Variants in COL25A1 observed in about 807,000 individuals in gnomAD.
The protein encoded by COL25A1 is collagen type XXV alpha 1 chain.
COL25A1 carries 103 observed loss-of-function variants against 128.4 expected under a neutral mutation model. The ratio of observed to expected loss-of-function variants is 0.80; its 90% CI spans 0.68 to 0.94. The LOEUF is 0.94. Ranked by LOEUF, COL25A1 falls within the 40% of genes least tolerant of loss-of-function variation. COL25A1 has a pLI of 0.00. For synonymous variants in COL25A1, 279 were observed against 277.2 expected (o/e 1.01, Z -0.06); for missense variants, 745 against 840.0 (o/e 0.89, Z 1.40).
intron 18 of COL25A1, among the ~76,000 whole-genome samples, chr4:108,886,488 G>GGTTTTTTTTTTTTTTT (rs1553960509): frequency 2.0e-5 from 1 of 49,426 alleles, no homozygotes; most frequent in African/African-American, 6.5e-5. Flanking sequence ...GTGTGTGTGT[G>GGTTTTTTTTTTTTTTT]TGTGTTTAGC....
At chr4:108,941,740 A>G (rs1174709138) in intron 8 of COL25A1, among the ~76,000 whole-genome samples, 2 of 152,162 alleles carry the variant, frequency 1.3e-5, no homozygotes, top group African/African-American at 4.8e-5. Flanking sequence ...CAGGTAAGCA[A>G]GTGCACCCCT....
chr4:109,124,714 C>G (rs543267689), intron 3 of COL25A1, among the ~76,000 whole-genome samples: 2 of 151,928 alleles, frequency 1.3e-5, no homozygotes, highest in East Asian at 3.9e-4. Context: ...TGTCCTAATT[C>G]CTAGAAAGAT....
At chr4:109,094,626 T>C (rs1015717821) in intron 3 of COL25A1, among the ~76,000 whole-genome samples, 1 of 152,210 alleles carries the variant, frequency 6.6e-6, no homozygotes, top group Non-Finnish European at 1.5e-5. Context: ...AAGGTTCTCA[T>C]GTTTGGTAGC....
intron 6 of COL25A1, among the ~76,000 whole-genome samples, chr4:108,992,832 TG>T (rs1212701284): frequency 4.6e-5 from 2 of 43,074 alleles, no homozygotes; most frequent in African/African-American, 1.0e-4. Flanking sequence ...TTGTTTGTTT[TG>T]TTTTTTTTTT....
At chr4:108,885,972 G>C in intron 18 of COL25A1, among the ~76,000 whole-genome samples, 1 of 152,144 alleles carries the variant, frequency 6.6e-6, no homozygotes, top group Non-Finnish European at 1.5e-5. Context: ...TGCATACATA[G>C]ACACACACCC....
chr4:108,838,252 C>T, intron 31 of COL25A1: 1 of 1,019,164 alleles, frequency 9.8e-7, no homozygotes, highest in Admixed American at 2.1e-5. Flanking sequence ...GAGCCAGTCT[C>T]TGAAATAGTT....
At chr4:109,054,648 T>C (rs948089503) in intron 3 of COL25A1, among the ~76,000 whole-genome samples, 1 of 152,022 alleles carries the variant, frequency 6.6e-6, no homozygotes, top group Non-Finnish European at 1.5e-5. Context: ...ATAAGAAAAA[T>C]CATAAAATAC....
chr4:108,935,802 T>C (rs79585349), intron 11 of COL25A1, among the ~76,000 whole-genome samples: 5,596 of 152,256 alleles, frequency 0.037, 173 homozygotes, highest in African/African-American at 0.067. Flanking sequence ...TAGTATATCC[T>C]AGAGAGCATA....
At chr4:108,955,631 G>C (rs1432068435) in intron 8 of COL25A1, among the ~76,000 whole-genome samples, 1 of 152,144 alleles carries the variant, frequency 6.6e-6, no homozygotes, top group Non-Finnish European at 1.5e-5. Flanking sequence ...ATTATGATCT[G>C]TGTCAGGAGC....
chr4:109,245,085 A>G (rs10033402), intron 3 of COL25A1, among the ~76,000 whole-genome samples: 9,601 of 152,162 alleles, frequency 0.063, 642 homozygotes, highest in African/African-American at 0.17. Context: ...ATAACTTAGG[A>G]AGGGTTTAAG....
At chr4:108,967,043 C>T (rs1056003472) in intron 8 of COL25A1, among the ~76,000 whole-genome samples, 9 of 152,066 alleles carry the variant, frequency 5.9e-5, no homozygotes, top group African/African-American at 2.2e-4. Context: ...TGAGAGAATA[C>T]ATGGAAAATG....
At chr4:109,001,363 TAAAAG>T (rs959265671) in intron 6 of COL25A1, among the ~76,000 whole-genome samples, 3 of 9,920 alleles carry the variant, frequency 3.0e-4, no homozygotes, top group Non-Finnish European at 1.2e-3. Flanking sequence ...AAACCACAGT[TAAAAG>T]AAACAGGCAT....
chr4:109,215,250 T>G (rs1192261132), intron 3 of COL25A1, among the ~76,000 whole-genome samples: 2 of 152,190 alleles, frequency 1.3e-5, no homozygotes, highest in Non-Finnish European at 2.9e-5. Flanking sequence ...TTTGTTTTCT[T>G]AAATGAAAGT....
chr4:108,815,279 C>T (rs1443067780), intron 37 of COL25A1, among the ~76,000 whole-genome samples: 2 of 152,146 alleles, frequency 1.3e-5, no homozygotes, highest in East Asian at 3.9e-4. Context: ...CCACTGTGCC[C>T]TACAGCCTAA....
chr4:108,888,165 T>C (rs918224055), intron 18 of COL25A1, among the ~76,000 whole-genome samples: 1 of 152,090 alleles, frequency 6.6e-6, no homozygotes, highest in Non-Finnish European at 1.5e-5. Flanking sequence ...ATTAGAGAAA[T>C]GTTAAAAGAA....
At chr4:109,232,335 T>C (rs1300005645) in intron 3 of COL25A1, among the ~76,000 whole-genome samples, 1 of 129,782 alleles carries the variant, frequency 7.7e-6, no homozygotes. Flanking sequence ...GTATTACTAT[T>C]TCAGTCAATA....
At chr4:109,074,791 CTA>C (rs968348763) in intron 3 of COL25A1, among the ~76,000 whole-genome samples, 1 of 152,076 alleles carries the variant, frequency 6.6e-6, no homozygotes, top group Non-Finnish European at 1.5e-5. Flanking sequence ...TTTAAGAAAA[CTA>C]AGCTTGTTTT....
At chr4:108,827,007 T>C (rs1007409363) in intron 33 of COL25A1, 128 bp downstream of exon 33, 16 of 786,758 alleles carry the variant, frequency 2.0e-5, no homozygotes, top group Non-Finnish European at 3.3e-5. Flanking sequence ...ACTGAATTTA[T>C]AGATAATGAG....
At position 109,195,743 on chromosome 4, in the gene COL25A1, G is replaced by A. The variant is rs532023455; in HGVS notation, c.367+104840C>T. 5.9e-5 allele frequency among the ~76,000 whole-genome samples: 9 copies of A among 152,166 alleles called. No homozygotes were observed. The East Asian group carries it at 1.7e-3, about 29-fold the overall frequency. ...GAAAACAAAATTCATGTTTTACTGG[G>A]TCCCACATGCTGTGATATTTTCAAA... On this transcript the variant is annotated intron_variant, in intron 3 of 37. Coordinates refer to ENST00000399132, the MANE Select transcript of COL25A1 (RefSeq NM_198721.4).
Sources: allele counts gnomAD v4.1 joint callset (sites outside exome capture counted in the v4.1 genomes callset), GRCh38; gene constraint gnomAD v4.1.1; transcripts MANE v1.5; gene names NCBI Gene and HGNC (gene_info 2026-07-23, HGNC 2026-07-21).